Variants in FAF1 observed in about 807,000 individuals in gnomAD.
FAF1 encodes Fas associated factor 1.
Under a neutral mutation model 92.5 loss-of-function variants are expected in FAF1, and 25 were observed. That is an observed-to-expected ratio of 0.27 (90% CI 0.20 to 0.38). The LOEUF (loss-of-function observed/expected upper bound fraction) is 0.38, where lower values mean the gene tolerates loss of function less well. FAF1 is among the 10% of genes least tolerant of loss of function. The probability of loss-of-function intolerance (pLI) is 1.00; values close to 1 mark genes in which losing one functional copy is unlikely to be tolerated. For synonymous variants in FAF1, 234 were observed against 273.2 expected, an observed-to-expected ratio of 0.86 and a Z score of 1.42; for missense variants, 636 against 793.3, an observed-to-expected ratio of 0.80 and a Z score of 2.38.
At chr1:50,688,156 T>A (rs1003328640) in intron 7 of FAF1, among the ~76,000 whole-genome samples, 17 of 150,336 alleles carry the variant, frequency 1.1e-4, no homozygotes, top group African/African-American at 3.9e-4. Context: ...AATAAATAAA[T>A]AAAAATAAAA....
intron 18 of FAF1, among the ~76,000 whole-genome samples, chr1:50,448,294 G>C (rs1406397605): frequency 3.3e-5 from 5 of 152,174 alleles, no homozygotes; most frequent in African/African-American, 4.8e-5. Flanking sequence ...GGATACCTGG[G>C]TTGGATTCCC....
At chr1:50,712,377 T>C (rs1183318983) in intron 6 of FAF1, among the ~76,000 whole-genome samples, 1 of 151,958 alleles carries the variant, frequency 6.6e-6, no homozygotes, top group Non-Finnish European at 1.5e-5. Context: ...CTATGTTTGC[T>C]GGGCTTGGTA....
At chr1:50,454,739 G>A (rs1191262286) in intron 18 of FAF1, among the ~76,000 whole-genome samples, 1 of 152,240 alleles carries the variant, frequency 6.6e-6, no homozygotes, top group East Asian at 1.9e-4. Context: ...GACCAGGCAA[G>A]AGATCCTAGA....
rs192055903 is a variant in FAF1 at position 50,741,777 on chromosome 1, T to C, written c.460-2823A>G. 1.8e-3 allele frequency among the ~76,000 whole-genome samples: 273 copies of C among 152,316 alleles called. 1 individual carries two copies. Among genetic ancestry groups the C allele is most frequent in the South Asian group, 0.012 (57 of 4,826 alleles). On this transcript the variant is annotated intron_variant, in intron 5 of 18. Coordinates refer to ENST00000396153, the MANE Select transcript of FAF1 (RefSeq NM_007051.3). ...GTTTTGGATTCAGCAGTGGCTATAA[T>C]CATTGTGCTACTTCTTGGGGGAAGA...
intron 4 of FAF1, among the ~76,000 whole-genome samples, chr1:50,775,678 A>G (rs900672365): frequency 6.6e-6 from 1 of 152,074 alleles, no homozygotes; most frequent in Non-Finnish European, 1.5e-5. Context: ...GGACTAAAGG[A>G]AGAAAGAAAC....
chr1:50,840,859 A>G (rs1407860844), intron 2 of FAF1, among the ~76,000 whole-genome samples: 1 of 152,070 alleles, frequency 6.6e-6, no homozygotes, highest in Non-Finnish European at 1.5e-5. Context: ...CTAAATTTAT[A>G]TTAATAGATG....
At chr1:50,819,723 A>G (rs1184750603) in intron 2 of FAF1, among the ~76,000 whole-genome samples, 1 of 8,878 alleles carries the variant, frequency 1.1e-4, no homozygotes, top group Non-Finnish European at 2.4e-4. Flanking sequence ...ATACGTATAT[A>G]TATATACATA....
At chr1:50,815,194 G>A (rs1262038893) in intron 2 of FAF1, among the ~76,000 whole-genome samples, 1 of 152,096 alleles carries the variant, frequency 6.6e-6, no homozygotes, top group African/African-American at 2.4e-5. Flanking sequence ...GTCGTGAGCA[G>A]AGTACCTAAT....
At chr1:50,452,615 G>A (rs752280752) in intron 18 of FAF1, among the ~76,000 whole-genome samples, 8 of 152,148 alleles carry the variant, frequency 5.3e-5, no homozygotes, top group Non-Finnish European at 8.8e-5. Context: ...GCTAACCACT[G>A]TGTTTGGAAC....
At chr1:50,471,722 T>C (rs1234978647) in intron 18 of FAF1, among the ~76,000 whole-genome samples, 1 of 152,146 alleles carries the variant, frequency 6.6e-6, no homozygotes, top group Non-Finnish European at 1.5e-5. Context: ...AGTGGACTCT[T>C]AGAGTTCATC....
intron 4 of FAF1, among the ~76,000 whole-genome samples, chr1:50,778,984 A>G (rs913984977): frequency 6.6e-5 from 10 of 151,772 alleles, no homozygotes; most frequent in Admixed American, 6.6e-5. Context: ...ATTCTCTCAA[A>G]CCCTGCCACT....
At chr1:50,824,581 G>A (rs1348457161) in intron 2 of FAF1, among the ~76,000 whole-genome samples, 1 of 152,214 alleles carries the variant, frequency 6.6e-6, no homozygotes, top group African/African-American at 2.4e-5. Context: ...ACTAAAGACA[G>A]ATTTACTGTA....
Position 50,723,979 on chromosome 1 carries a change from C to A in FAF1, c.551+14884G>T, listed in dbSNP as rs150205043. ...GGGCAGACTGGTCTCGAACTCCTGA[C>A]CTCAGGTGATCCACCTGCCTTGGCC... is the stretch of plus-strand genomic sequence containing the variant. On this transcript the variant is annotated intron_variant, in intron 6 of 18. Coordinates refer to ENST00000396153, the MANE Select transcript of FAF1 (RefSeq NM_007051.3). Among the ~76,000 whole-genome samples, 1,503 of 152,172 alleles carry A rather than the reference C, an allele frequency of 9.9e-3. 23 individuals are homozygous for A. The highest frequency in any genetic ancestry group is 0.034 in the African/African-American group (1,425 of 41,506).
chr1:50,479,325 C>A (rs908755393), intron 17 of FAF1, among the ~76,000 whole-genome samples: 3 of 151,582 alleles, frequency 2.0e-5, no homozygotes, highest in African/African-American at 7.2e-5. Flanking sequence ...TACTTGGTTG[C>A]TGGTGCAGGA....
At chr1:50,539,557 G>A (rs2149040066) in intron 14 of FAF1, 35 bp downstream of exon 14, 1 of 1,528,142 alleles carries the variant, frequency 6.5e-7, no homozygotes, top group Non-Finnish European at 8.9e-7. Context: ...TCACATACCA[G>A]GAAGGCTTTA....
chr1:50,655,812 A>G (rs1029641127), intron 7 of FAF1, among the ~76,000 whole-genome samples: 3 of 152,174 alleles, frequency 2.0e-5, no homozygotes, highest in African/African-American at 7.2e-5. Flanking sequence ...AAGAAACTTC[A>G]GGCACCCAGT....
intron 13 of FAF1, among the ~76,000 whole-genome samples, chr1:50,553,038 A>G (rs1364564627): frequency 1.3e-5 from 2 of 152,182 alleles, no homozygotes; most frequent in African/African-American, 4.8e-5. Context: ...TGTAACAGAG[A>G]GAGTTTAAAG....
At chr1:50,467,754 G>T (rs1319656460) in intron 18 of FAF1, among the ~76,000 whole-genome samples, 1 of 152,128 alleles carries the variant, frequency 6.6e-6, no homozygotes, top group Non-Finnish European at 1.5e-5. Flanking sequence ...TATTTACTAT[G>T]ACACTGGGCA....
At chr1:50,810,362 T>G (rs1643893342) in intron 2 of FAF1, among the ~76,000 whole-genome samples, 1 of 152,058 alleles carries the variant, frequency 6.6e-6, no homozygotes, top group Non-Finnish European at 1.5e-5. Context: ...AGAAAAGGCT[T>G]TCAATAAAAT....
Sources: gnomAD v4.1 joint callset for allele counts (sites outside exome capture counted in the v4.1 genomes callset) on GRCh38, gnomAD v4.1.1 for gene constraint, MANE v1.5 for transcripts, NCBI Gene and HGNC (gene_info 2026-07-23, HGNC 2026-07-21) for gene names.